The following CACNA1C variants were observed in gnomAD, a reference collection of about 807,000 sequenced individuals.
CACNA1C encodes the protein calcium voltage-gated channel subunit alpha1 C.
Under a neutral mutation model 229.0 loss-of-function variants are expected in CACNA1C, and 30 were observed. The observed-to-expected ratio is 0.13, with a 90% CI of 0.10 to 0.18. CACNA1C has a LOEUF of 0.18. CACNA1C is among the 10% of genes least tolerant of loss of function. CACNA1C has a pLI of 1.00. For synonymous variants in CACNA1C, 1,114 were observed against 1,132.5 expected (o/e 0.98, Z 0.33); for missense variants, 1,658 against 2,845.0 (o/e 0.58, Z 9.49).
rs2041858669 is a variant in CACNA1C at position 2,000,132 on chromosome 12, G to GTTCCTAAATT, written c.139+28932_139+28933insTCCTAAATTT. Among the ~76,000 whole-genome samples the GTTCCTAAATT allele has an allele frequency of 2.0e-5, 3 of 152,252 alleles. No individual in the cohort carries two copies. In the South Asian group the frequency reaches 6.2e-4, roughly 32 times the overall value. ...CTGAACAGTATACAAATTTTTGGCT[G>GTTCCTAAATT]TCCCTAAAGTTTAACTGATTCAGTC... is the stretch of plus-strand genomic sequence containing the variant. On this transcript the variant is annotated intron_variant, in intron 1 of 46. Coordinates refer to the CACNA1C transcript ENST00000682462.
intron 1 of CACNA1C, among the ~76,000 whole-genome samples, chr12:2,089,172 T>G (rs1394246936): frequency 6.6e-6 from 1 of 152,148 alleles, no homozygotes; most frequent in Non-Finnish European, 1.5e-5. Flanking sequence ...TGACATTGCA[T>G]GAGTGTATAG....
intron 28 of CACNA1C, 130 bp from the exon 29 acceptor site, chr12:2,611,773 G>A (rs559236638): frequency 1.8e-5 from 11 of 613,166 alleles, no homozygotes; most frequent in Admixed American, 2.6e-5. Context: ...AGAGGTGGGC[G>A]GCCCTCTGGG....
intron 3 of CACNA1C, among the ~76,000 whole-genome samples, chr12:2,244,913 A>C (rs191641113): frequency 1.3e-5 from 2 of 152,276 alleles, no homozygotes; most frequent in East Asian, 3.9e-4. Context: ...AACAGAGTAA[A>C]CTGTAAACCC....
chr12:2,641,117 G>T (rs1603243531), intron 30 of CACNA1C, among the ~76,000 whole-genome samples: 1 of 152,240 alleles, frequency 6.6e-6, no homozygotes, highest in Admixed American at 6.5e-5. Context: ...AGGAAGGAGG[G>T]TAGAGAGATG....
At chr12:2,659,753 G>T (rs1372153482) in intron 34 of CACNA1C, among the ~76,000 whole-genome samples, 3 of 151,918 alleles carry the variant, frequency 2.0e-5, no homozygotes, top group Admixed American at 2.0e-4. Flanking sequence ...AAACCCTAAA[G>T]CTGATCCTTT....
rs779731709 is a variant in CACNA1C, at chr12:2,588,124, G to C, written c.2530+2220G>C. 2.0e-5 allele frequency among the ~76,000 whole-genome samples: 3 copies of C among 152,334 alleles called. No homozygotes were observed. In the East Asian group the frequency reaches 5.8e-4, roughly 29 times the overall value. Reference sequence around the variant, plus strand: ...TCCTTTAGTGCCAGGTGCAGCAGAAGTTCCCAGAGACTCCTCCGAAGATCA... The same window carrying C: ...TCCTTTAGTGCCAGGTGCAGCAGAACTTCCCAGAGACTCCTCCGAAGATCA... On this transcript the variant is annotated intron_variant, in intron 18 of 46. Coordinates refer to ENST00000399655, the MANE Select transcript of CACNA1C (RefSeq NM_000719.7).
chr12:2,306,305 C>A (rs564833225), intron 3 of CACNA1C, among the ~76,000 whole-genome samples: 70 of 152,370 alleles, frequency 4.6e-4, no homozygotes, highest in African/African-American at 1.7e-3. Flanking sequence ...AGCCTGTGCG[C>A]TCTGCCGTCT....
At chr12:2,489,299 G>T (rs1049108590) in intron 6 of CACNA1C, among the ~76,000 whole-genome samples, 2 of 152,038 alleles carry the variant, frequency 1.3e-5, no homozygotes, top group Admixed American at 6.6e-5. Context: ...TTCAAAATAC[G>T]TTTGATTTTG....
chr12:2,433,121 C>T (rs1173106887), intron 3 of CACNA1C, among the ~76,000 whole-genome samples: 2 of 152,186 alleles, frequency 1.3e-5, no homozygotes, highest in African/African-American at 4.8e-5. Flanking sequence ...GTCCAGGCTG[C>T]TGCTGGTGGG....
rs771331407 is a variant in CACNA1C, at chr12:2,682,544, T to C, written c.5445-6T>C. Reference sequence around the variant, plus strand: ...CTGATGTTTTTCTTCATCTTGGATATTGTAGGTGCCACTCCCGGGAGAGCC... The same window carrying C: ...CTGATGTTTTTCTTCATCTTGGATACTGTAGGTGCCACTCCCGGGAGAGCC... On this transcript the variant is annotated splice_region_variant and splice_polypyrimidine_tract_variant and intron_variant, in intron 42 of 46. Transcript: ENST00000399655. 6.2e-7 allele frequency: 1 copy of C among 1,611,268 alleles called. No individual in the cohort carries two copies. The highest frequency in any genetic ancestry group is 1.1e-5 in the South Asian group (1 of 90,694).
rs1444143624 is a variant in CACNA1C at position 1,971,374 on chromosome 12, G to A, written c.139+173G>A. On this transcript the variant is annotated intron_variant, in intron 1 of 46. Transcript: ENST00000682462. The surrounding 1 kb of genome is among the most constrained non-coding windows in gnomAD (Gnocchi z 4.2). ...TTTTGCCTGTAACTGCACTATCCTG[G>A]TTTATGCCGTTCTTTGGAAATTCTC... Among the ~76,000 whole-genome samples, 3 of 152,070 alleles carry A rather than the reference G, an allele frequency of 2.0e-5. No homozygotes were observed. Among genetic ancestry groups the A allele is most frequent in the Non-Finnish European group, 4.4e-5 (3 of 68,010 alleles).
chr12:2,464,761 A>G (rs1401871086), intron 5 of CACNA1C, among the ~76,000 whole-genome samples: 2 of 152,266 alleles, frequency 1.3e-5, no homozygotes, highest in African/African-American at 2.4e-5. Context: ...GTTTACTTTC[A>G]TCCTGAGAGG....
chr12:2,670,292 A>G (rs913741861), intron 38 of CACNA1C, among the ~76,000 whole-genome samples: 1 of 152,306 alleles, frequency 6.6e-6, no homozygotes. Flanking sequence ...GGGGCAACAG[A>G]AGGAGCCCCG....
At chr12:2,230,923 T>G (rs1250544618) in intron 3 of CACNA1C, among the ~76,000 whole-genome samples, 5 of 152,240 alleles carry the variant, frequency 3.3e-5, no homozygotes, top group Non-Finnish European at 4.4e-5. Flanking sequence ...CCAAAGACCC[T>G]TGCTAACAGG....
chr12:1,991,109 C>G (rs1009884124), intron 1 of CACNA1C: 5 of 455,864 alleles, frequency 1.1e-5, no homozygotes, highest in African/African-American at 1.0e-4. Flanking sequence ...TAATATGCAT[C>G]CCAAAGGCTA....
In CACNA1C at chr12:2,601,376, T is replaced by C. The variant is rs550250031; in HGVS notation, c.2854-478T>C. On this transcript the variant is annotated intron_variant, in intron 21 of 46. Coordinates refer to ENST00000399655, the MANE Select transcript of CACNA1C (RefSeq NM_000719.7). This position sits in a 1 kb window ranked among gnomAD's most constrained non-coding sequence, Gnocchi z 5.9. ...AAACCAGGATGGCTGGTCACCCTGC[T>C]GGGCATGCCCCGCCCCCCAACCCAC... Among the ~76,000 whole-genome samples, 1 of 152,270 alleles carries C rather than the reference T, an allele frequency of 6.6e-6. No individual in the cohort carries two copies. Among genetic ancestry groups the C allele is most frequent in the Non-Finnish European group, 1.5e-5 (1 of 68,020 alleles).
chr12:2,038,148 G>C (rs909204662), intron 1 of CACNA1C, among the ~76,000 whole-genome samples: 2 of 152,210 alleles, frequency 1.3e-5, no homozygotes, highest in African/African-American at 4.8e-5. Flanking sequence ...CTGGAGAAAA[G>C]AGACATGATT....
intron 3 of CACNA1C, among the ~76,000 whole-genome samples, chr12:2,431,455 C>T (rs1235603399): frequency 1.3e-5 from 2 of 152,168 alleles, no homozygotes; most frequent in East Asian, 1.9e-4. Flanking sequence ...CCACAGCTTG[C>T]TCCTTGCCCT....
chr12:2,080,287 C>CAAAAAAAAA (rs1555137397), intron 1 of CACNA1C, among the ~76,000 whole-genome samples: 1 of 151,134 alleles, frequency 6.6e-6, no homozygotes, highest in African/African-American at 2.4e-5. Context: ...ACAAAAAAAA[C>CAAAAAAAAA]AAATAAAATA....
Sources: allele counts gnomAD v4.1 joint callset (sites outside exome capture counted in the v4.1 genomes callset), GRCh38; gene constraint gnomAD v4.1.1; non-coding constraint Gnocchi (gnomAD v3.1); transcripts MANE v1.5; gene names NCBI Gene and HGNC (gene_info 2026-07-23, HGNC 2026-07-21).